The following SLC49A4 variants were observed in gnomAD, a reference collection of about 807,000 sequenced individuals.
SLC49A4 encodes the protein disrupted in renal cancer protein 2.
In SLC49A4, 36 loss-of-function variants were observed where a neutral mutation model predicts 50.6. The observed-to-expected ratio is 0.71, with a 90% CI of 0.55 to 0.94. SLC49A4 has a LOEUF of 0.94. Ranked by LOEUF, SLC49A4 falls within the 40% of genes least tolerant of loss-of-function variation. The probability of loss-of-function intolerance (pLI) is 0.00; values close to 1 mark genes in which losing one functional copy is unlikely to be tolerated. For synonymous variants in SLC49A4, 248 were observed against 241.2 expected, an observed-to-expected ratio of 1.03 and a Z score of -0.26; for missense variants, 503 against 605.7, an observed-to-expected ratio of 0.83 and a Z score of 1.78.
At chr3:122,842,821 G>A (rs1936791625) in intron 4 of SLC49A4, among the ~76,000 whole-genome samples, 2 of 151,996 alleles carry the variant, frequency 1.3e-5, no homozygotes. Flanking sequence ...ACATTCCTTT[G>A]TCTTTTATTG....
At chr3:122,871,679 G>T (rs114143616) in intron 7 of SLC49A4, among the ~76,000 whole-genome samples, 5,010 of 152,092 alleles carry the variant, frequency 0.033, 121 homozygotes, top group Middle Eastern at 0.072. Context: ...ATTAACAAGG[G>T]TTTATAGACA....
intron 4 of SLC49A4, among the ~76,000 whole-genome samples, chr3:122,844,328 C>T (rs761478084): frequency 9.2e-5 from 14 of 152,150 alleles, no homozygotes; most frequent in Non-Finnish European, 2.9e-5. Flanking sequence ...CTACCTTGGT[C>T]TCCCAAAGTG....
intron 2 of SLC49A4, among the ~76,000 whole-genome samples, chr3:122,825,983 C>T (rs1936520559): frequency 6.6e-6 from 1 of 152,076 alleles, no homozygotes; most frequent in Non-Finnish European, 1.5e-5. Flanking sequence ...TTTTCATTAA[C>T]CCTTACAATT....
intron 5 of SLC49A4, among the ~76,000 whole-genome samples, chr3:122,850,992 CT>C (rs1936918944): frequency 6.6e-6 from 1 of 152,082 alleles, no homozygotes; most frequent in Non-Finnish European, 1.5e-5. Context: ...GTTATAGACT[CT>C]TTTACTGTTT....
intron 2 of SLC49A4, among the ~76,000 whole-genome samples, chr3:122,815,177 C>T (rs1311299905): frequency 1.3e-5 from 2 of 152,022 alleles, no homozygotes; most frequent in Non-Finnish European, 2.9e-5. Context: ...GCCACCTCCA[C>T]CTCCTGGGTT....
chr3:122,801,723 A>G (rs1337385912), intron 1 of SLC49A4, among the ~76,000 whole-genome samples: 1 of 152,238 alleles, frequency 6.6e-6, no homozygotes, highest in Non-Finnish European at 1.5e-5. Flanking sequence ...AAGAGGTCAG[A>G]GATCTGAGAG....
In SLC49A4 at chr3:122,826,972, G is replaced by T. The variant is rs1342215870; in HGVS notation, c.610G>T (p.Val204Phe). 7 of 1,614,176 alleles carry T rather than the reference G, an allele frequency of 4.3e-6. No homozygotes were observed. Among genetic ancestry groups the T allele is most frequent in the Middle Eastern group, 1.6e-4 (1 of 6,062 alleles). ...ATGTGCATTTTTAGTTGGACCACTT[G>T]TTGTTCCAGCTCCCAATGGGACATC... ...GACAFLVGPLVVPAPNGTSPL... is the reference protein window; with the variant it reads ...GACAFLVGPLFVPAPNGTSPL... The change falls in exon 3 of 9, where the codon GTT (valine) becomes TTT (phenylalanine). Residue 204 changes from valine to phenylalanine, a missense_variant. Transcript: ENST00000261038.
At chr3:122,845,665 C>G (rs1005261345) in intron 4 of SLC49A4, 98 bp from the exon 5 acceptor site, 11 of 113,398 alleles carry the variant, frequency 9.7e-5, no homozygotes, top group East Asian at 3.4e-4. Context: ...TTTTCTGATT[C>G]TGGTGTTCCA....
intron 5 of SLC49A4, among the ~76,000 whole-genome samples, chr3:122,849,905 C>G (rs1047127950): frequency 1.3e-5 from 2 of 151,942 alleles, no homozygotes; most frequent in Non-Finnish European, 2.9e-5. Flanking sequence ...GTGTCCAGAC[C>G]AGTGTCCTGT....
At chr3:122,831,869 T>G (rs941950252) in intron 3 of SLC49A4, among the ~76,000 whole-genome samples, 7 of 152,048 alleles carry the variant, frequency 4.6e-5, no homozygotes, top group African/African-American at 1.7e-4. Context: ...AGGTGCTCAT[T>G]CAGTATTACT....
intron 2 of SLC49A4, among the ~76,000 whole-genome samples, chr3:122,811,391 G>A (rs1233326340): frequency 1.3e-5 from 2 of 152,124 alleles, no homozygotes; most frequent in Non-Finnish European, 2.9e-5. Context: ...GCAGACAGAT[G>A]TCTATTTACT....
intron 3 of SLC49A4, among the ~76,000 whole-genome samples, chr3:122,832,630 T>A (rs961539961): frequency 6.6e-6 from 1 of 152,180 alleles, no homozygotes; most frequent in African/African-American, 2.4e-5. Context: ...GCCACACTTA[T>A]TAGACAATCA....
intron 4 of SLC49A4, among the ~76,000 whole-genome samples, chr3:122,840,312 A>G (rs1247575350): frequency 6.6e-6 from 1 of 152,200 alleles, no homozygotes; most frequent in Non-Finnish European, 1.5e-5. Flanking sequence ...AGGTGCACCA[A>G]AGTCTCAGAC....
intron 5 of SLC49A4, among the ~76,000 whole-genome samples, chr3:122,853,442 AAAAGTGTAGCACCCATTT>A (rs1488177309): frequency 2.0e-5 from 3 of 152,168 alleles, no homozygotes; most frequent in African/African-American, 7.2e-5. Context: ...TCTGTTAAGG[AAAAGTGTAGCACCCATTT>A]AAATGATACT....
At chr3:122,802,093 C>T (rs1347149318) in intron 1 of SLC49A4, among the ~76,000 whole-genome samples, 1 of 152,178 alleles carries the variant, frequency 6.6e-6, no homozygotes, top group Non-Finnish European at 1.5e-5. Context: ...AGGAGGATCA[C>T]TTCAGGCCAG....
Position 122,795,470 on chromosome 3 carries a change from T to G in SLC49A4, c.278T>G (p.Leu93Arg). The change falls in exon 1 of 9, where the codon CTC (leucine) becomes CGC (arginine). Residue 93 changes from leucine (L) to arginine (R), a missense_variant. Leu to Arg is a moderately radical substitution (Grantham distance 102). Coordinates refer to ENST00000261038, the MANE Select transcript of SLC49A4 (RefSeq NM_032839.3). ...YGFSSWDIAL[L>R]VLWGPIGFLP... ...TTCTCCAGCTGGGACATCGCGCTGC[T>G]CGTGCTGTGGGGGCCCATCGGCTTC... 1 of 1,606,804 alleles carries G rather than the reference T, an allele frequency of 6.2e-7. No individual in the cohort carries two copies. The highest frequency in any genetic ancestry group is 8.5e-7 in the Non-Finnish European group (1 of 1,179,102).
chr3:122,867,832 T>C (rs1048508646), intron 7 of SLC49A4, among the ~76,000 whole-genome samples: 1 of 146,928 alleles, frequency 6.8e-6, no homozygotes, highest in East Asian at 2.0e-4. Context: ...ATACAAAAAA[T>C]TAGCCGGGCA....
intron 4 of SLC49A4, among the ~76,000 whole-genome samples, chr3:122,839,540 C>T (rs1936738603): frequency 6.6e-6 from 1 of 150,730 alleles, no homozygotes; most frequent in Admixed American, 6.6e-5. Flanking sequence ...AACAGATCAG[C>T]AAGAAAAAAA....
chr3:122,863,558 A>G (rs1937081903), intron 7 of SLC49A4, among the ~76,000 whole-genome samples: 1 of 152,194 alleles, frequency 6.6e-6, no homozygotes, highest in Non-Finnish European at 1.5e-5. Flanking sequence ...TAAAAATCTG[A>G]CCTAATTCCT....
Sources: gnomAD v4.1 joint callset for allele counts (sites outside exome capture counted in the v4.1 genomes callset) on GRCh38, gnomAD v4.1.1 for gene constraint, MANE v1.5 for transcripts, NCBI Gene and HGNC (gene_info 2026-07-23, HGNC 2026-07-21) for gene names.